Variants in IL1RAP observed in about 807,000 individuals in gnomAD.
IL1RAP encodes interleukin-1 receptor accessory protein.
IL1RAP carries 35 observed loss-of-function variants against 60.7 expected under a neutral mutation model. The ratio of observed to expected loss-of-function variants is 0.58; its 90% CI spans 0.44 to 0.76. The LOEUF is 0.76. Ranked by LOEUF, IL1RAP falls within the 30% of genes least tolerant of loss-of-function variation. The probability of loss-of-function intolerance (pLI) is 0.00; values close to 1 mark genes in which losing one functional copy is unlikely to be tolerated. For synonymous variants in IL1RAP, 268 were observed against 250.9 expected (o/e 1.07, Z -0.64); for missense variants, 572 against 693.9 (o/e 0.82, Z 1.97).
At chr3:190,536,821 T>A (rs1723503055) in intron 1 of IL1RAP, among the ~76,000 whole-genome samples, 1 of 151,958 alleles carries the variant, frequency 6.6e-6, no homozygotes, top group African/African-American at 2.4e-5. Flanking sequence ...CTGGAAAAAA[T>A]GTGAAAGACA....
At chr3:190,655,885 A>G, downstream of IL1RAP, 2 of 1,531,534 alleles carry the variant, frequency 1.3e-6, no homozygotes, top group Non-Finnish European at 1.8e-6. Context: ...CCATTTTCCT[A>G]TAGATACAGT....
At chr3:190,599,629 T>C (rs2108741393) in intron 3 of IL1RAP, among the ~76,000 whole-genome samples, 1 of 152,032 alleles carries the variant, frequency 6.6e-6, no homozygotes, top group Admixed American at 6.5e-5. Flanking sequence ...CTTAGAAGGT[T>C]GTATACTTCA....
chr3:190,546,359 A>G (rs1485116293), intron 1 of IL1RAP, among the ~76,000 whole-genome samples: 1 of 152,126 alleles, frequency 6.6e-6, no homozygotes, highest in Non-Finnish European at 1.5e-5. Flanking sequence ...GCTCCAAGGA[A>G]TCTTTCCACC....
Position 190,620,426 on chromosome 3 carries a change from C to T in IL1RAP, c.689C>T (p.Thr230Ile). 3.1e-6 allele frequency: 5 copies of T among 1,611,488 alleles called. No individual in the cohort carries two copies. Among genetic ancestry groups the T allele is most frequent in the Non-Finnish European group, 4.2e-6 (5 of 1,179,086 alleles). Residue 230 changes from threonine (T) to isoleucine (I), a missense_variant, in exon 6 of 12, where the codon ACT (threonine) becomes ATT (isoleucine). Physicochemically the swap from Thr to Ile is moderately conservative, Grantham distance 89 (BLOSUM62 -1). Transcript: ENST00000447382. The stretch of plus-strand genomic sequence containing the variant: ...ACGTTTCATCTCACCAGGACTCTGA[C>T]TGTAAAGGTAGTAGGTAAGCATGAT... ...GRTFHLTRTL[T>I]VKVVGSPKNA...
chr3:190,548,457 A>G (rs995287820), intron 1 of IL1RAP, among the ~76,000 whole-genome samples: 1 of 152,212 alleles, frequency 6.6e-6, no homozygotes. Context: ...ACAGTTAAAA[A>G]GTAATCAACA....
chr3:190,632,182 C>T (rs944659634), intron 9 of IL1RAP, among the ~76,000 whole-genome samples: 11 of 152,202 alleles, frequency 7.2e-5, no homozygotes, highest in South Asian at 4.2e-4. Flanking sequence ...AAACCTGTTT[C>T]CAAAGAGATT....
intron 1 of IL1RAP, among the ~76,000 whole-genome samples, chr3:190,516,810 T>G (rs143231850): frequency 3.3e-5 from 5 of 152,326 alleles, no homozygotes; most frequent in Non-Finnish European, 5.9e-5. Flanking sequence ...AGTGAATAGG[T>G]GCTCATTAAA....
intron 5 of IL1RAP, among the ~76,000 whole-genome samples, chr3:190,613,310 A>G (rs1244095097): frequency 6.6e-6 from 1 of 152,194 alleles, no homozygotes; most frequent in Non-Finnish European, 1.5e-5. Context: ...AGGTAATGCC[A>G]TATTAAGTTA....
chr3:190,564,400 AG>A (rs760660882), intron 3 of IL1RAP, 47 bp downstream of exon 3: 2 of 1,181,390 alleles, frequency 1.7e-6, no homozygotes, highest in Non-Finnish European at 2.5e-6. Context: ...AGTCATGCGT[AG>A]GGTAATGAGT....
chr3:190,593,623 G>A (rs1334581955), intron 3 of IL1RAP, among the ~76,000 whole-genome samples: 3 of 152,114 alleles, frequency 2.0e-5, no homozygotes, highest in Admixed American at 6.5e-5. Flanking sequence ...AGGCAAGAGA[G>A]ACTGTGTGCA....
intron 1 of IL1RAP, among the ~76,000 whole-genome samples, chr3:190,552,223 G>A (rs1189486974): frequency 6.6e-6 from 1 of 152,116 alleles, no homozygotes; most frequent in Non-Finnish European, 1.5e-5. Flanking sequence ...GATGACTCAG[G>A]AACTTAACAA....
intron 3 of IL1RAP, among the ~76,000 whole-genome samples, chr3:190,566,727 G>T (rs1178562402): frequency 6.6e-6 from 1 of 152,178 alleles, no homozygotes; most frequent in Admixed American, 6.5e-5. Context: ...TTCCTAGTTG[G>T]AGGGAGAGGA....
intron 3 of IL1RAP, among the ~76,000 whole-genome samples, chr3:190,579,359 A>G (rs1727787251): frequency 6.6e-6 from 1 of 152,226 alleles, no homozygotes; most frequent in Non-Finnish European, 1.5e-5. Flanking sequence ...CAGTATTTAC[A>G]GTATTAAAAT....
intron 1 of IL1RAP, among the ~76,000 whole-genome samples, chr3:190,538,145 G>A (rs148495814): frequency 6.6e-6 from 1 of 152,218 alleles, no homozygotes; most frequent in African/African-American, 2.4e-5. Flanking sequence ...TAGCTAGCAA[G>A]AATCACTGCT....
At chr3:190,554,454 C>T (rs187703338) in intron 1 of IL1RAP, among the ~76,000 whole-genome samples, 105 of 152,254 alleles carry the variant, frequency 6.9e-4, no homozygotes, top group African/African-American at 2.5e-3. Context: ...GGAGGTTCTC[C>T]TGGGGACCCT....
downstream of IL1RAP, chr3:190,655,816 G>A (rs977467011): frequency 9.2e-7 from 1 of 1,090,946 alleles, no homozygotes; most frequent in African/African-American, 1.5e-5. Flanking sequence ...GTCCTCTGGA[G>A]GATGGACAAT....
chr3:190,635,690 AT>A (rs1351637843), intron 9 of IL1RAP, among the ~76,000 whole-genome samples: 2 of 152,194 alleles, frequency 1.3e-5, no homozygotes, highest in African/African-American at 4.8e-5. Flanking sequence ...ATGAAAATTC[AT>A]TTGAATTTTA....
Position 190,648,419 on chromosome 3 carries a change from G to T in IL1RAP, c.1427G>T (p.Gly476Val). 1 of 1,614,016 alleles carries T rather than the reference G, an allele frequency of 6.2e-7. No homozygotes were observed. Among genetic ancestry groups the T allele is most frequent in the Non-Finnish European group, 8.5e-7 (1 of 1,179,992 alleles). The change falls in exon 12 of 12, where the codon GGA becomes GTA. Residue 476 changes from glycine to valine, a missense_variant. Coordinates refer to ENST00000447382, the MANE Select transcript of IL1RAP (RefSeq NM_002182.4). ...VVLSPNYVLQGTQALLELKAG... is the reference protein window; with the variant it reads ...VVLSPNYVLQVTQALLELKAG... ...CTAAGCCCCAACTACGTGCTCCAGG[G>T]AACCCAAGCCCTCCTGGAGCTCAAG...
downstream of IL1RAP, among the ~76,000 whole-genome samples, chr3:190,655,611 A>G (rs371817969): frequency 3.0e-4 from 37 of 123,028 alleles, no homozygotes; most frequent in African/African-American, 1.1e-3. Context: ...GTGTGTTTTA[A>G]GAAAGACTTA....
Sources: gnomAD v4.1 joint callset for allele counts (sites outside exome capture counted in the v4.1 genomes callset) on GRCh38, gnomAD v4.1.1 for gene constraint, MANE v1.5 for transcripts, NCBI Gene and HGNC (gene_info 2026-07-23, HGNC 2026-07-21) for gene names.